Variants in LIPK observed in about 807,000 individuals in gnomAD.
LIPK encodes the protein lipase member K.
In LIPK, 32 loss-of-function variants were observed where a neutral mutation model predicts 48.6. The ratio of observed to expected loss-of-function variants is 0.66; its 90% CI spans 0.50 to 0.88. The LOEUF is 0.88. LIPK is among the 40% of genes least tolerant of loss of function. The pLI, the probability that LIPK is intolerant of heterozygous loss-of-function variation, is 0.00. For synonymous variants in LIPK, 164 were observed against 157.4 expected (o/e 1.04, Z -0.32); for missense variants, 507 against 478.5 (o/e 1.06, Z -0.56).
At chr10:88,729,254 G>GGGGC (rs1348272099) in intron 3 of LIPK, among the ~76,000 whole-genome samples, 3 of 80,830 alleles carry the variant, frequency 3.7e-5, no homozygotes, top group Non-Finnish European at 7.1e-5. Flanking sequence ...CTATCTGTTG[G>GGGGC]GGGGGGGGGG....
intron 2 of LIPK, among the ~76,000 whole-genome samples, chr10:88,724,937 GT>G (rs1404351093): frequency 2.0e-5 from 3 of 152,138 alleles, no homozygotes; most frequent in Non-Finnish European, 4.4e-5. Context: ...GTACCTTTGA[GT>G]TTTCCCCGAG....
intron 1 of LIPK, among the ~76,000 whole-genome samples, chr10:88,711,940 T>C (rs1209972958): frequency 6.6e-6 from 1 of 152,242 alleles, no homozygotes; most frequent in Non-Finnish European, 1.5e-5. Context: ...ATTTGCAATC[T>C]GAGGTATATT....
chr10:88,726,808 C>A lies in LIPK; in HGVS notation c.119C>A (p.Ser40Tyr). The A allele has an allele frequency of 6.4e-7, 1 of 1,568,620 alleles. No homozygotes were observed. Among genetic ancestry groups the A allele is most frequent in the Non-Finnish European group, 8.8e-7 (1 of 1,141,652 alleles). Residue 40 changes from serine (S) to tyrosine (Y), a missense_variant, in exon 3 of 10, where the codon TCT becomes TAT. Ser to Tyr is a moderately radical substitution (Grantham distance 144). Transcript: ENST00000404190. Reference sequence around the variant, plus strand: ...TCCTCTTTTTAGAGCCAGATTATTTCTTACTGGGGTTATCCTTATGAAGAG... The same window carrying A: ...TCCTCTTTTTAGAGCCAGATTATTTATTACTGGGGTTATCCTTATGAAGAG... ...EANMNISQII[S>Y]YWGYPYEEYD...
intron 8 of LIPK, 113 bp downstream of exon 8, chr10:88,740,180 T>C: frequency 1.7e-6 from 1 of 593,188 alleles, no homozygotes; most frequent in Non-Finnish European, 2.9e-6. Context: ...GCCACATTGA[T>C]GTTTTTGGAA....
intron 1 of LIPK, among the ~76,000 whole-genome samples, chr10:88,706,856 C>G (rs1293874659): frequency 6.6e-6 from 1 of 152,086 alleles, no homozygotes; most frequent in Non-Finnish European, 1.5e-5. Context: ...GGAGGACACA[C>G]CATTCTCTTT....
chr10:88,712,141 T>C (rs1455564068), intron 1 of LIPK, among the ~76,000 whole-genome samples: 1 of 152,184 alleles, frequency 6.6e-6, no homozygotes, highest in Non-Finnish European at 1.5e-5. Flanking sequence ...TCTCTCTATG[T>C]ATTTGGATTT....
At chr10:88,722,249 C>T (rs1049629267) in intron 1 of LIPK, among the ~76,000 whole-genome samples, 10 of 152,140 alleles carry the variant, frequency 6.6e-5, no homozygotes, top group East Asian at 3.9e-4. Context: ...GAGCCGGGGT[C>T]GCACCATTAT....
intron 1 of LIPK, among the ~76,000 whole-genome samples, chr10:88,715,144 A>G (rs1486787322): frequency 6.6e-6 from 1 of 152,148 alleles, no homozygotes; most frequent in Non-Finnish European, 1.5e-5. Context: ...AATGTCAATT[A>G]TAACAAATTG....
intron 3 of LIPK, among the ~76,000 whole-genome samples, chr10:88,730,537 G>A (rs1402260703): frequency 2.0e-5 from 3 of 152,072 alleles, no homozygotes; most frequent in Non-Finnish European, 4.4e-5. Flanking sequence ...TGATCTGCCC[G>A]CCTCAGCTCC....
chr10:88,729,261 G>C (rs1412097496), intron 3 of LIPK, among the ~76,000 whole-genome samples: 1 of 134,586 alleles, frequency 7.4e-6, no homozygotes. Context: ...TTGGGGGGGG[G>C]GGGCGGGGGA....
chr10:88,745,435 C>T lies in LIPK; in HGVS notation c.960+2114C>T, dbSNP rs759561775. On this transcript the variant is annotated intron_variant, in intron 9 of 9. Transcript: ENST00000404190. ...CTCATCAGGCTAACTGTGGACCTTT[C>T]AGCAGAAACCCTACAAGCCAGAAGA... Among the ~76,000 whole-genome samples the T allele has an allele frequency of 5.6e-4, 86 of 152,306 alleles. 1 individual carries two copies. The highest frequency in any genetic ancestry group is 1.7e-3 in the South Asian group (8 of 4,822).
At chr10:88,715,804 T>C (rs1201967425) in intron 1 of LIPK, among the ~76,000 whole-genome samples, 1 of 151,440 alleles carries the variant, frequency 6.6e-6, no homozygotes, top group Non-Finnish European at 1.5e-5. Context: ...CCTTCCTTCC[T>C]GCTTTCCTTC....
intron 6 of LIPK, among the ~76,000 whole-genome samples, chr10:88,733,377 G>T (rs527986010): frequency 5.4e-4 from 83 of 152,314 alleles, no homozygotes; most frequent in African/African-American, 1.9e-3. Flanking sequence ...TCCCATGGTG[G>T]TGATTGCACG....
At chr10:88,707,981 C>T (rs1167016917) in intron 1 of LIPK, among the ~76,000 whole-genome samples, 1 of 152,050 alleles carries the variant, frequency 6.6e-6, no homozygotes, top group Non-Finnish European at 1.5e-5. Context: ...TCTGTAAACA[C>T]CCAGTGGGTT....
intron 2 of LIPK, among the ~76,000 whole-genome samples, chr10:88,725,560 G>A (rs774929108): frequency 6.6e-6 from 1 of 152,132 alleles, no homozygotes; most frequent in Non-Finnish European, 1.5e-5. Context: ...ATAATCCTTT[G>A]ATTAAGGCAT....
chr10:88,737,713 C>G lies in LIPK; in HGVS notation c.748C>G (p.Leu250Val), dbSNP rs573862404. 1 of 1,613,878 alleles carries G rather than the reference C, an allele frequency of 6.2e-7. No individual in the cohort carries two copies. The highest frequency in any genetic ancestry group is 1.3e-5 in the African/African-American group (1 of 75,028). ...TGCCACCAAAGTGTGCAATCGAAAG[C>G]TATTCCGTCGTATTTGCAGCAACTT... ...FIATKVCNRK[L>V]FRRICSNFLF... The change falls in exon 7 of 10, where the codon CTA becomes GTA. Residue 250 changes from leucine to valine, a missense_variant. Physicochemically the swap from Leu to Val is conservative, Grantham distance 32 (BLOSUM62 1). Transcript: ENST00000404190.
chr10:88,742,296 T>A (rs1386614802), intron 8 of LIPK, among the ~76,000 whole-genome samples: 6 of 152,182 alleles, frequency 3.9e-5, no homozygotes, highest in Non-Finnish European at 7.3e-5. Flanking sequence ...AAGTAGTACG[T>A]CCTATTGCCT....
intron 7 of LIPK, 79 bp downstream of exon 7, chr10:88,737,860 C>T (rs1436502864): frequency 7.6e-6 from 11 of 1,450,404 alleles, no homozygotes; most frequent in African/African-American, 4.2e-5. Flanking sequence ...GATTGTATGG[C>T]AACTGCAATT....
chr10:88,708,697 AT>A (rs1841977832), intron 1 of LIPK, among the ~76,000 whole-genome samples: 4 of 152,076 alleles, frequency 2.6e-5, no homozygotes, highest in Non-Finnish European at 5.9e-5. Context: ...GCCTAATATC[AT>A]CCATTTAAAA....
Sources: gnomAD v4.1 joint callset for allele counts (sites outside exome capture counted in the v4.1 genomes callset) on GRCh38, gnomAD v4.1.1 for gene constraint, MANE v1.5 for transcripts, NCBI Gene and HGNC (gene_info 2026-07-23, HGNC 2026-07-21) for gene names.